Variants in LARP1B observed in about 807,000 individuals in gnomAD.
LARP1B encodes La ribonucleoprotein 1B.
LARP1B carries 76 observed loss-of-function variants against 114.2 expected under a neutral mutation model. The ratio of observed to expected loss-of-function variants is 0.67; its 90% CI spans 0.55 to 0.81. The LOEUF is 0.81. Ranked by LOEUF, LARP1B falls within the 30% of genes least tolerant of loss-of-function variation. The pLI, the probability that LARP1B is intolerant of heterozygous loss-of-function variation, is 0.00. For missense variants in LARP1B, 1,014 were observed against 1,075.8 expected (o/e 0.94, Z 0.80); for synonymous variants, 345 against 348.0 (o/e 0.99, Z 0.10).
At chr4:128,072,110 G>A (rs981132338) in intron 1 of LARP1B, among the ~76,000 whole-genome samples, 2 of 151,062 alleles carry the variant, frequency 1.3e-5, no homozygotes, top group African/African-American at 4.9e-5. Context: ...AGCGATTCTC[G>A]TGCCTCAGCC....
At chr4:128,068,037 T>C (rs1561028218) in intron 1 of LARP1B, among the ~76,000 whole-genome samples, 2 of 151,994 alleles carry the variant, frequency 1.3e-5, no homozygotes, top group African/African-American at 4.8e-5. Flanking sequence ...CCCGCCACCT[T>C]GCCCGGCTAA....
intron 11 of LARP1B, among the ~76,000 whole-genome samples, chr4:128,154,133 A>G (rs561551078): frequency 6.6e-6 from 1 of 152,270 alleles, no homozygotes; most frequent in African/African-American, 2.4e-5. Context: ...ATAATTTACT[A>G]CAAGTCCAAG....
chr4:128,185,855 T>G (rs1750156003), intron 15 of LARP1B, among the ~76,000 whole-genome samples: 1 of 152,186 alleles, frequency 6.6e-6, no homozygotes, highest in Admixed American at 6.5e-5. Context: ...TTTGATTGGC[T>G]TTTTGTAGAG....
rs1770742760 is a variant in LARP1B, at chr4:128,082,131, A to G, written c.218-34A>G. 2.5e-6 allele frequency: 4 copies of G among 1,596,632 alleles called. No individual in the cohort carries two copies. In the South Asian group the frequency reaches 3.4e-5, roughly 13 times the overall value. On this transcript the variant is annotated intron_variant, in intron 4 of 19. Transcript: ENST00000326639. ...ATTGCAAGGGTTTAGTGAAAATTGT[A>G]CATTTGTCCTTAAATGATTTTGTTT...
At chr4:128,213,556 A>C (rs1032351258), downstream of LARP1B, among the ~76,000 whole-genome samples, 1 of 152,206 alleles carries the variant, frequency 6.6e-6, no homozygotes, top group African/African-American at 2.4e-5. Flanking sequence ...AGCTCAAGCA[A>C]ATAAAAGCAC....
downstream of LARP1B, among the ~76,000 whole-genome samples, chr4:128,213,266 A>G (rs1759235243): frequency 6.6e-6 from 1 of 152,056 alleles, no homozygotes; most frequent in Admixed American, 6.6e-5. Flanking sequence ...TGATTTAATC[A>G]TTTTAATCAT....
chr4:128,184,698 T>A (rs1257399420), intron 15 of LARP1B, among the ~76,000 whole-genome samples: 1 of 152,248 alleles, frequency 6.6e-6, no homozygotes, highest in Non-Finnish European at 1.5e-5. Context: ...TGGTATTAAC[T>A]GTATTTTTGT....
At chr4:128,192,102 G>A (rs534085202) in intron 15 of LARP1B, among the ~76,000 whole-genome samples, 70 of 152,278 alleles carry the variant, frequency 4.6e-4, no homozygotes, top group South Asian at 4.6e-3. Context: ...AGTGAAGCCA[G>A]ATTGCTTCTA....
chr4:128,100,327 T>G (rs991141823), intron 8 of LARP1B, among the ~76,000 whole-genome samples: 1 of 144,006 alleles, frequency 6.9e-6, no homozygotes, highest in Admixed American at 6.9e-5. Context: ...TGCTGGAGTG[T>G]TCTGGTGCGA....
chr4:128,188,317 C>T (rs554968046), intron 15 of LARP1B, among the ~76,000 whole-genome samples: 23 of 152,242 alleles, frequency 1.5e-4, no homozygotes, highest in Admixed American at 5.9e-4. Flanking sequence ...TCAGGTCATC[C>T]GCCCGCCTTG....
chr4:128,204,906 C>A (rs1212944053), intron 17 of LARP1B, among the ~76,000 whole-genome samples: 2 of 151,412 alleles, frequency 1.3e-5, no homozygotes, highest in African/African-American at 4.8e-5. Context: ...TGGAGCAGAG[C>A]CTGGGCATCA....
At chr4:128,071,460 C>T (rs1454557815) in intron 1 of LARP1B, among the ~76,000 whole-genome samples, 2 of 145,664 alleles carry the variant, frequency 1.4e-5, no homozygotes, top group Non-Finnish European at 3.0e-5. Flanking sequence ...CTCACTCTGT[C>T]GCCAAGGCTG....
intron 10 of LARP1B, among the ~76,000 whole-genome samples, chr4:128,115,570 CAAA>C (rs1000825067): frequency 6.6e-6 from 1 of 151,418 alleles, no homozygotes; most frequent in African/African-American, 2.4e-5. Flanking sequence ...GACCCTGTCT[CAAA>C]AAAAAGAATT....
intron 15 of LARP1B, among the ~76,000 whole-genome samples, chr4:128,198,479 A>AT (rs1754978687): frequency 1.3e-5 from 2 of 152,164 alleles, no homozygotes; most frequent in South Asian, 2.1e-4. Flanking sequence ...GAATTGTTTT[A>AT]TTTTTTCTAA....
chr4:128,123,413 A>G, intron 11 of LARP1B: 2 of 941,250 alleles, frequency 2.1e-6, no homozygotes. Flanking sequence ...CTTTTAGAAC[A>G]GAGATACTAG....
Position 128,122,145 on chromosome 4 carries a change from A to T in LARP1B, c.1481A>T (p.Asp494Val). 20 of 1,614,006 alleles carry T rather than the reference A, an allele frequency of 1.2e-5. No individual in the cohort carries two copies. The highest frequency in any genetic ancestry group is 1.5e-5 in the Non-Finnish European group (18 of 1,179,890). The change falls in exon 11 of 20, where the codon GAT becomes GTT. Residue 494 changes from aspartate to valine, a missense_variant. Asp to Val is a radical substitution (Grantham distance 152). Transcript: ENST00000326639. The stretch of plus-strand genomic sequence containing the variant: ...GATGGCTTATACTATTATGAACAGG[A>T]TCTATGGATGGAAGAAGATGAAAAC... The part of the protein sequence containing the change: ...INDGLYYYEQ[D>V]LWMEEDENKH...
At chr4:128,069,917 A>G (rs924880952) in intron 1 of LARP1B, among the ~76,000 whole-genome samples, 8 of 152,146 alleles carry the variant, frequency 5.3e-5, no homozygotes, top group Admixed American at 2.0e-4. Flanking sequence ...ACCTCAAGTA[A>G]GCTTACTGTT....
chr4:128,083,282 T>G (rs1275777774), intron 5 of LARP1B, among the ~76,000 whole-genome samples: 1 of 152,084 alleles, frequency 6.6e-6, no homozygotes, highest in Non-Finnish European at 1.5e-5. Context: ...CCCTTTCTAT[T>G]CCACAAAACC....
At chr4:128,202,555 A>G (rs942807082) in intron 17 of LARP1B, among the ~76,000 whole-genome samples, 1 of 152,198 alleles carries the variant, frequency 6.6e-6, no homozygotes. Flanking sequence ...TTTGAAAGCC[A>G]TTGTTTTAAT....
Sources: gnomAD v4.1 joint callset for allele counts (sites outside exome capture counted in the v4.1 genomes callset) on GRCh38, gnomAD v4.1.1 for gene constraint, MANE v1.5 for transcripts, NCBI Gene and HGNC (gene_info 2026-07-23, HGNC 2026-07-21) for gene names.